Variants in WDR75 observed in about 807,000 individuals in gnomAD.
WDR75 encodes WD repeat domain 75, also known as WD repeat-containing protein 75.
WDR75 carries 52 observed loss-of-function variants against 106.1 expected under a neutral mutation model. The observed-to-expected ratio is 0.49, with a 90% CI of 0.39 to 0.62. The LOEUF is 0.62. WDR75 is among the 20% of genes least tolerant of loss of function. The pLI, the probability that WDR75 is intolerant of heterozygous loss-of-function variation, is 0.00. For missense variants in WDR75, 905 were observed against 970.3 expected (o/e 0.93, Z 0.89); for synonymous variants, 333 against 335.5 (o/e 0.99, Z 0.08).
Position 189,458,849 on chromosome 2 carries a change from C to T in WDR75, c.666C>T (p.His222=), listed in dbSNP as rs1686800037. Residue 222 remains histidine, a synonymous_variant, in exon 7 of 21, where the codon CAC becomes CAT. Transcript: ENST00000314761. ...HPTEDCIASG[H]MDGKIRLWRN... ...CGGAAGACTGCATCGCATCTGGTCACATGGATGGCAAAATTCGTCTTTGGT... is the reference window on the plus strand; with the variant it reads ...CGGAAGACTGCATCGCATCTGGTCATATGGATGGCAAAATTCGTCTTTGGT... The T allele has an allele frequency of 1.2e-6, 2 of 1,602,532 alleles. No homozygotes were observed. Among genetic ancestry groups the T allele is most frequent in the Non-Finnish European group, 1.7e-6 (2 of 1,175,380 alleles).
intron 2 of WDR75, chr2:189,450,577 A>T (rs112569570): frequency 3.8e-5 from 42 of 1,102,156 alleles, no homozygotes; most frequent in Non-Finnish European, 4.6e-5. Context: ...TGGGCCTCCC[A>T]AAGTGCTGAG....
chr2:189,473,842 G>T (rs1278625588), intron 18 of WDR75, among the ~76,000 whole-genome samples: 2 of 152,294 alleles, frequency 1.3e-5, no homozygotes, highest in East Asian at 3.9e-4. Context: ...CTGCTCTCCA[G>T]TTTCCAACAT....
chr2:189,474,728 T>G lies in WDR75; in HGVS notation c.2208T>G (p.Thr736=), dbSNP rs1422720026. ...CTGTTTGACTCCAGCTTCTTCACAC[T>G]CCAGCCCATGTCCTGCCATCTGCTG... The part of the protein sequence containing the change: ...NIPAISELLH[T]PAHVLPSAAF... Residue 736 remains threonine (T), a synonymous_variant, in exon 20 of 21, where the codon ACT becomes ACG. Coordinates refer to ENST00000314761, the MANE Select transcript of WDR75 (RefSeq NM_032168.3). The G allele has an allele frequency of 3.1e-6, 5 of 1,613,862 alleles. No individual in the cohort carries two copies. Among genetic ancestry groups the G allele is most frequent in the Admixed American group, 1.7e-5 (1 of 59,976 alleles).
chr2:189,441,498 G>A lies in WDR75; in HGVS notation c.6G>A (p.Val2=), dbSNP rs1401973300. ...CATTCCGCTACTGCGCAAAGATGGT[G>A]GAGGAGGAGAACATCCGCGTGGTTC... The part of the protein sequence containing the change: M[V]EEENIRVVRC... The change falls in exon 1 of 21, where the codon GTG becomes GTA. Residue 2 remains valine (V), a synonymous_variant. Transcript: ENST00000314761. 1 of 1,562,638 alleles carries A rather than the reference G, an allele frequency of 6.4e-7. No individual in the cohort carries two copies. Among genetic ancestry groups the A allele is most frequent in the Non-Finnish European group, 8.7e-7 (1 of 1,152,170 alleles).
intron 18 of WDR75, among the ~76,000 whole-genome samples, chr2:189,473,186 C>T (rs1248191425): frequency 6.6e-6 from 1 of 151,652 alleles, no homozygotes; most frequent in East Asian, 1.9e-4. Flanking sequence ...CACTGCACTC[C>T]AGCCTGGGTG....
rs941498736 is a variant in WDR75, at chr2:189,450,513, C to T, written c.217-390C>T. On this transcript the variant is annotated intron_variant, in intron 2 of 20. Transcript: ENST00000314761. ...GCCTGGCTAATTTTTGTAGGGGTTT[C>T]GTCATGTTGGCCAGGCTGGTCTCGA... The T allele has an allele frequency of 1.8e-5, 16 of 913,592 alleles. No individual in the cohort carries two copies. The Admixed American group carries it at 2.9e-4, about 17-fold the overall frequency. 56.6% of individuals were successfully genotyped at this position (913,592 alleles called of 1,614,324 possible).
chr2:189,474,299 A>T lies in WDR75; in HGVS notation c.2163A>T (p.Leu721=). 6.2e-7 allele frequency: 1 copy of T among 1,613,178 alleles called. No individual in the cohort carries two copies. Among genetic ancestry groups the T allele is most frequent in the Non-Finnish European group, 8.5e-7 (1 of 1,179,670 alleles). ...CTTTAGAGAATGAGCTGGTACAACT[A>T]CCCTTAACAGAAAACATACCCGCAA... is the stretch of plus-strand genomic sequence containing the variant. The part of the protein sequence containing the change: ...NETLENELVQ[L]PLTENIPAIS... The change falls in exon 19 of 21, where the codon CTA becomes CTT. Residue 721 remains leucine, a synonymous_variant. Coordinates refer to ENST00000314761, the MANE Select transcript of WDR75 (RefSeq NM_032168.3).
At chr2:189,449,547 G>T in intron 2 of WDR75, 1 of 1,070,758 alleles carries the variant, frequency 9.3e-7, no homozygotes, top group East Asian at 7.0e-5. Flanking sequence ...CCAAAAAAAC[G>T]TATACACAAT....
rs773382871 is a variant in WDR75, at chr2:189,462,505, G to T, written c.800G>T (p.Gly267Val). ...GAAGGCACCAGTCTGCTGAGTGGCGGTCGTGAATCTGTACTTGTAGAGTGG... is the reference window on the plus strand; with the variant it reads ...GAAGGCACCAGTCTGCTGAGTGGCGTTCGTGAATCTGTACTTGTAGAGTGG... Reference protein sequence around the residue: ...SVTGTSLLSGGRESVLVEWRD... With the variant: ...SVTGTSLLSGVRESVLVEWRD... Residue 267 changes from glycine to valine, a missense_variant, in exon 9 of 21, where the codon GGT becomes GTT. Physicochemically the swap from Gly to Val is moderately radical, Grantham distance 109. Coordinates refer to ENST00000314761, the MANE Select transcript of WDR75 (RefSeq NM_032168.3). 1 of 1,613,854 alleles carries T rather than the reference G, an allele frequency of 6.2e-7. No homozygotes were observed. The highest frequency in any genetic ancestry group is 1.7e-5 in the Admixed American group (1 of 60,008).
intron 2 of WDR75, chr2:189,450,429 C>G (rs1686593996): frequency 2.2e-6 from 2 of 910,526 alleles, no homozygotes. Context: ...TGTGATTGAT[C>G]TCAGCTCACT....
chr2:189,456,056 G>A (rs570090466), intron 5 of WDR75, among the ~76,000 whole-genome samples: 89 of 152,254 alleles, frequency 5.8e-4, no homozygotes, highest in Admixed American at 8.5e-4. Context: ...CATCACTGTA[G>A]CGGCATGCTT....
At position 189,468,486 on chromosome 2, in the gene WDR75, T is replaced by C; in HGVS notation, c.1640T>C (p.Phe547Ser). Residue 547 changes from phenylalanine to serine, a missense_variant, in exon 15 of 21, where the codon TTT (phenylalanine) becomes TCT (serine). Phe to Ser is a radical substitution (Grantham distance 155, BLOSUM62 -2). Coordinates refer to ENST00000314761, the MANE Select transcript of WDR75 (RefSeq NM_032168.3). ...TGGTTTTAATCTAGGCACCTTTGCTTTGGGAGATTGACGTGTTCAAAGTAT... is the reference window on the plus strand; with the variant it reads ...TGGTTTTAATCTAGGCACCTTTGCTCTGGGAGATTGACGTGTTCAAAGTAT... Reference protein sequence around the residue: ...QRAGKIRHLCFGRLTCSKYLL... With the variant: ...QRAGKIRHLCSGRLTCSKYLL... The C allele has an allele frequency of 1.9e-6, 3 of 1,613,300 alleles. No homozygotes were observed. The highest frequency in any genetic ancestry group is 2.5e-6 in the Non-Finnish European group (3 of 1,179,422).
In WDR75 at chr2:189,466,514, C is replaced by T. The variant is rs755580399; in HGVS notation, c.1379C>T (p.Thr460Ile). 2.6e-5 allele frequency: 42 copies of T among 1,613,158 alleles called. 2 individuals carry two copies. The South Asian group carries it at 4.2e-4, about 16-fold the overall frequency. Residue 460 changes from threonine to isoleucine, a missense_variant, in exon 13 of 21, where the codon ACC becomes ATC. Coordinates refer to ENST00000314761, the MANE Select transcript of WDR75 (RefSeq NM_032168.3). ...FCNAEKSEQP[T>I]LVTASKDGYF... ...AATGCAGAAAAATCTGAACAGCCCACCTTGGTTACAGCTAGCAAAGATGGT... is the reference window on the plus strand; with the variant it reads ...AATGCAGAAAAATCTGAACAGCCCATCTTGGTTACAGCTAGCAAAGATGGT...
At chr2:189,475,181 A>G (rs1408073157) in intron 20 of WDR75, 32 bp from the exon 21 acceptor site, 1 of 1,476,356 alleles carries the variant, frequency 6.8e-7, no homozygotes, top group African/African-American at 1.4e-5. Flanking sequence ...AACATTTAAT[A>G]GTGTTTATAT....
chr2:189,456,743 TAA>T (rs1354348307), intron 5 of WDR75, among the ~76,000 whole-genome samples: 1 of 152,200 alleles, frequency 6.6e-6, no homozygotes, highest in East Asian at 1.9e-4. Context: ...TTAGTGTATA[TAA>T]GTTATTCCTA....
chr2:189,466,935 A>G (rs981804912), intron 13 of WDR75, among the ~76,000 whole-genome samples: 5 of 152,142 alleles, frequency 3.3e-5, no homozygotes, highest in Admixed American at 1.3e-4. Context: ...GTTCTGACTT[A>G]AAGAAGTTGT....
chr2:189,450,182 A>G (rs944292602), intron 2 of WDR75: 2 of 980,662 alleles, frequency 2.0e-6, no homozygotes, highest in Non-Finnish European at 1.2e-6. Context: ...TTATGAAAGT[A>G]TTGGTCCTTG....
rs1387030440 is a variant in WDR75 at position 189,450,912 on chromosome 2, T to G, written c.226T>G (p.Cys76Gly). ...NPNNHLQLYS[C>G]SLDGTIKLWD... The stretch of plus-strand genomic sequence containing the variant: ...TGTTTTACCCTTTTAGCTGTATTCT[T>G]GTTCCCTTGATGGCACAATTAAACT... The change falls in exon 3 of 21, where the codon TGT (cysteine) becomes GGT (glycine). Residue 76 changes from cysteine (C) to glycine (G), a missense_variant. Cys to Gly is a radical substitution (Grantham distance 159). Transcript: ENST00000314761. 1.9e-6 allele frequency: 3 copies of G among 1,611,068 alleles called. No homozygotes were observed. The South Asian group carries it at 3.3e-5, about 18-fold the overall frequency.
chr2:189,457,170 G>C, intron 5 of WDR75, 141 bp from the exon 6 acceptor site: 1 of 582,794 alleles, frequency 1.7e-6, no homozygotes, highest in Non-Finnish European at 3.1e-6. Context: ...GAACTCGGGA[G>C]GCAGAGTTTG....
Sources: allele counts gnomAD v4.1 joint callset (sites outside exome capture counted in the v4.1 genomes callset), GRCh38; gene constraint gnomAD v4.1.1; transcripts MANE v1.5; gene names NCBI Gene and HGNC (gene_info 2026-07-23, HGNC 2026-07-21).